Variants in OR52I2 observed in about 807,000 individuals in gnomAD.
OR52I2 encodes the protein olfactory receptor family 52 subfamily I member 2.
For synonymous variants in OR52I2, 147 were observed against 151.9 expected (o/e 0.97, Z 0.24); for missense variants, 350 against 402.4 (o/e 0.87, Z 1.11).
At chr11:4,582,970 T>C (rs1434528206) in intron 1 of OR52I2, among the ~76,000 whole-genome samples, 2 of 152,130 alleles carry the variant, frequency 1.3e-5, no homozygotes, top group South Asian at 2.1e-4. Flanking sequence ...TAACTGAACA[T>C]TTGAGATTTG....
exon 2 of OR52I2, chr11:4,588,175 C>A: frequency 3.1e-6 from 1 of 322,046 alleles, no homozygotes. Flanking sequence ...CCTCTTCCTG[C>A]TCCTGCCTCA....
intron 1 of OR52I2, among the ~76,000 whole-genome samples, chr11:4,586,616 A>T (rs777432203): frequency 4.6e-5 from 7 of 152,164 alleles, no homozygotes; most frequent in Non-Finnish European, 5.9e-5. Context: ...AGGGTATGGA[A>T]TGGGGAAGGA....
At chr11:4,586,484 G>T (rs767864480) in intron 1 of OR52I2, among the ~76,000 whole-genome samples, 1 of 152,074 alleles carries the variant, frequency 6.6e-6, no homozygotes, top group Non-Finnish European at 1.5e-5. Flanking sequence ...TACACCCTTT[G>T]TATAAGATCA....
chr11:4,590,760 A>AT (rs1238418002), exon 2 of OR52I2: 1 of 151,998 alleles, frequency 6.6e-6, no homozygotes, highest in Non-Finnish European at 1.5e-5. Flanking sequence ...GCATACCCTG[A>AT]TTTTTTCTTT....
At chr11:4,591,082 T>C (rs1271891046) in exon 2 of OR52I2, 1 of 152,120 alleles carries the variant, frequency 6.6e-6, no homozygotes, top group African/African-American at 2.4e-5. Context: ...CTAGGCTCTG[T>C]AGGAGGTGAA....
exon 2 of OR52I2, chr11:4,589,231 TTGAG>T (rs1473484917): frequency 1.3e-5 from 2 of 152,306 alleles, no homozygotes; most frequent in East Asian, 3.9e-4. Context: ...GGCAGGATGA[TTGAG>T]TATCCAGAGG....
intron 1 of OR52I2, among the ~76,000 whole-genome samples, chr11:4,586,504 G>C (rs1846302211): frequency 6.6e-6 from 1 of 152,122 alleles, no homozygotes; most frequent in Non-Finnish European, 1.5e-5. Context: ...ATAAACAAGA[G>C]ACATACACCT....
exon 2 of OR52I2, chr11:4,587,693 T>C (rs746767549): frequency 6.2e-7 from 1 of 1,614,198 alleles, no homozygotes; most frequent in Non-Finnish European, 8.5e-7. Context: ...GCGGCCTGGT[T>C]GGGGCAGGAT....
exon 2 of OR52I2, chr11:4,587,339 T>C (rs769571875): frequency 1.3e-6 from 2 of 1,599,754 alleles, no homozygotes; most frequent in African/African-American, 1.4e-5. Context: ...GGAATGAGTA[T>C]GGCCATCACC....
intron 1 of OR52I2, among the ~76,000 whole-genome samples, 187 bp downstream of exon 1, chr11:4,582,051 G>T (rs1164497886): frequency 1.3e-5 from 2 of 152,232 alleles, no homozygotes; most frequent in Admixed American, 6.5e-5. Context: ...TTGGATGAGG[G>T]AGGTGGAGAG....
At chr11:4,593,334 A>G (rs567033441) in exon 2 of OR52I2, 1 of 155,430 alleles carries the variant, frequency 6.4e-6, no homozygotes, top group African/African-American at 2.4e-5. Context: ...GTAAATTTAG[A>G]GAAGGTAAGG....
At chr11:4,581,995 T>G (rs78822972) in intron 1 of OR52I2, 131 bp downstream of exon 1, 5,754 of 152,346 alleles carry the variant, frequency 0.038, 142 homozygotes, top group Non-Finnish European at 0.061. Context: ...TAGGGCTGTC[T>G]AGGTCTGGTG....
chr11:4,586,904 C>A, exon 2 of OR52I2: 1 of 1,614,136 alleles, frequency 6.2e-7, no homozygotes, highest in African/African-American at 1.3e-5. Context: ...CTGGGTCCAG[C>A]TTATAACCAC....
intron 1 of OR52I2, among the ~76,000 whole-genome samples, chr11:4,584,139 G>A (rs1846281313): frequency 6.6e-6 from 1 of 152,176 alleles, no homozygotes; most frequent in African/African-American, 2.4e-5. Flanking sequence ...CTTTATTCAG[G>A]AGAGGCACAG....
exon 2 of OR52I2, chr11:4,586,935 C>T: frequency 1.2e-6 from 2 of 1,614,184 alleles, no homozygotes; most frequent in African/African-American, 1.3e-5. Context: ...CCCCTGCCTC[C>T]TTCCTCCTTG....
chr11:4,589,253 G>A (rs1846333082), exon 2 of OR52I2: 1 of 152,200 alleles, frequency 6.6e-6, no homozygotes, highest in South Asian at 2.1e-4. Context: ...AGGGAAAAGA[G>A]GGCCCCAATG....
chr11:4,587,348 C>T (rs763855874), exon 2 of OR52I2: 5 of 1,612,972 alleles, frequency 3.1e-6, no homozygotes, highest in Non-Finnish European at 4.2e-6. Context: ...ATGGCCATCA[C>T]CATCAGAGCT....
chr11:4,586,605 A>G (rs564348122), intron 1 of OR52I2, among the ~76,000 whole-genome samples: 54 of 152,264 alleles, frequency 3.5e-4, no homozygotes, highest in Non-Finnish European at 7.4e-4. Context: ...GCTCAGATGA[A>G]AGGGTATGGA....
exon 2 of OR52I2, chr11:4,587,548 G>A (rs1185890505): frequency 1.2e-6 from 2 of 1,614,128 alleles, no homozygotes; most frequent in Non-Finnish European, 1.7e-6. Flanking sequence ...CTTCATTGCT[G>A]CCTCCTATAT....
Sources: gnomAD v4.1 joint callset for allele counts (sites outside exome capture counted in the v4.1 genomes callset) on GRCh38, gnomAD v4.1.1 for gene constraint, MANE v1.5 for transcripts, NCBI Gene and HGNC (gene_info 2026-07-23, HGNC 2026-07-21) for gene names.